BTD: variants seen among roughly 807,000 people sequenced by gnomAD.
BTD encodes biotinidase.
A neutral mutation model predicts 17.7 loss-of-function variants in BTD; 13 were observed. The observed-to-expected ratio is 0.74, with a 90% CI of 0.48 to 1.17. BTD has a LOEUF of 1.17. BTD is among the 50% of genes most tolerant of loss of function. The probability of loss-of-function intolerance (pLI) is 0.00; values close to 1 mark genes in which losing one functional copy is unlikely to be tolerated. For missense variants in BTD, 674 were observed against 650.4 expected (o/e 1.04, Z -0.39); for synonymous variants, 240 against 245.2 (o/e 0.98, Z 0.20).
intron 1 of BTD, among the ~76,000 whole-genome samples, chr3:15,620,935 CA>C (rs2064935948): frequency 6.6e-6 from 1 of 152,238 alleles, no homozygotes; most frequent in African/African-American, 2.4e-5. Flanking sequence ...CCTGGAATGT[CA>C]ATGGCATAAC....
downstream of BTD, chr3:15,713,743 A>G (rs917334006): frequency 8.1e-6 from 5 of 613,796 alleles, no homozygotes; most frequent in Non-Finnish European, 1.4e-5. Flanking sequence ...ACAAACTAAT[A>G]GATACAGCAA....
chr3:15,708,184 T>C, intron 3 of BTD: 1 of 1,122,158 alleles, frequency 8.9e-7, no homozygotes, highest in Non-Finnish European at 1.3e-6. Context: ...AGACTTAGAC[T>C]ACCATATACT....
chr3:15,677,297 T>C (rs972761693), intron 3 of BTD, among the ~76,000 whole-genome samples: 2 of 152,162 alleles, frequency 1.3e-5, no homozygotes, highest in African/African-American at 4.8e-5. Flanking sequence ...CCAAAACTTA[T>C]TTGGCTTACT....
chr3:15,720,848 A>G (rs1359001411), intron 4 of BTD: 2 of 1,335,556 alleles, frequency 1.5e-6, no homozygotes, highest in African/African-American at 1.5e-5. Flanking sequence ...GCTCAATGGT[A>G]TTCACCATTG....
chr3:15,674,592 T>A (rs2066743268), intron 3 of BTD, among the ~76,000 whole-genome samples: 1 of 152,196 alleles, frequency 6.6e-6, no homozygotes, highest in East Asian at 1.9e-4. Context: ...GGGCTGGAGA[T>A]ATAAATCTGG....
At chr3:15,682,372 T>TGG (rs1036030149) in intron 3 of BTD, among the ~76,000 whole-genome samples, 16 of 152,112 alleles carry the variant, frequency 1.1e-4, no homozygotes, top group African/African-American at 3.4e-4. Context: ...AAGGGAACAG[T>TGG]GGGGCCCCTT....
intron 1 of BTD, among the ~76,000 whole-genome samples, chr3:15,619,588 G>T (rs1229776543): frequency 6.6e-6 from 1 of 152,180 alleles, no homozygotes; most frequent in Non-Finnish European, 1.5e-5. Context: ...AAAAGTCATT[G>T]TGGTTTTTGC....
chr3:15,657,780 T>C (rs1422460457), downstream of BTD, among the ~76,000 whole-genome samples: 1 of 151,534 alleles, frequency 6.6e-6, no homozygotes, highest in African/African-American at 2.4e-5. Context: ...TCAGTTTCTC[T>C]AGGCATGAAT....
exon 4 of BTD, chr3:15,711,097 G>A: frequency 1.1e-6 from 1 of 907,446 alleles, no homozygotes. Flanking sequence ...AACAACTCCT[G>A]TTTTGTTTTC....
intron 1 of BTD, chr3:15,602,220 G>A: frequency 7.4e-7 from 1 of 1,355,506 alleles, no homozygotes; most frequent in Non-Finnish European, 9.5e-7. Flanking sequence ...CTCAGAGTCA[G>A]TAGATCCAGA....
At chr3:15,641,756 G>A in intron 2 of BTD, 152 bp from the exon 3 acceptor site, 1 of 682,588 alleles carries the variant, frequency 1.5e-6, no homozygotes. Flanking sequence ...TAAGATCTCT[G>A]AGGAGAGTAA....
rs151071780 is a variant in BTD, at chr3:15,635,641, C to G, written c.202C>G (p.Gln68Glu). 3,310 of 1,614,198 alleles carry G rather than the reference C, an allele frequency of 2.1e-3. 10 individuals carry two copies. Among genetic ancestry groups the G allele is most frequent in the Non-Finnish European group, 2.2e-3 (2,542 of 1,180,038 alleles). ...CCAAGAGGCCTTGGAGCTCATGAAC[C>G]AGAACCTTGACATCTATGAACAGCA... is the stretch of plus-strand genomic sequence containing the variant. ...SRQEALELMN[Q>E]NLDIYEQQVM... The change falls in exon 2 of 4, where the codon CAG (glutamine) becomes GAG (glutamate). Residue 68 changes from glutamine to glutamate, a missense_variant. Gln to Glu is a conservative substitution (Grantham distance 29). Coordinates refer to ENST00000643237, the MANE Select transcript of BTD (RefSeq NM_001370658.1). The surrounding 1 kb of genome is among the most constrained non-coding windows in gnomAD (Gnocchi z 4.1).
At position 15,650,711 on chromosome 3, in the gene BTD, C is replaced by A. The variant is rs956801109; in HGVS notation, c.*5223C>A. On this transcript the variant is annotated 3_prime_UTR_variant, in exon 4 of 4. Coordinates refer to ENST00000643237, the MANE Select transcript of BTD (RefSeq NM_001370658.1). Reference sequence around the variant, plus strand: ...AATTAAAGTCTCAGAGATGAACAACCTGGGCTCTTGCTTAGGGCACGTGCC... The same window carrying A: ...AATTAAAGTCTCAGAGATGAACAACATGGGCTCTTGCTTAGGGCACGTGCC... 6.6e-6 allele frequency among the ~76,000 whole-genome samples: 1 copy of A among 152,220 alleles called. No homozygotes were observed. The highest frequency in any genetic ancestry group is 2.4e-5 in the African/African-American group (1 of 41,460).
chr3:15,644,990 C>T lies in BTD; in HGVS notation c.1074C>T (p.Val358=). 1 of 1,614,180 alleles carries T rather than the reference C, an allele frequency of 6.2e-7. No homozygotes were observed. Among genetic ancestry groups the T allele is most frequent in the South Asian group, 1.1e-5 (1 of 91,076 alleles). ...ACTGTGAGAAGGATGCTCAGGAAGT[C>T]CACTGTGATGAGGCCACCAAGTGGA... The part of the protein sequence containing the change: ...DPYCEKDAQE[V]HCDEATKWNV... The change falls in exon 4 of 4, where the codon GTC becomes GTT. Residue 358 remains valine (V), a synonymous_variant. Coordinates refer to ENST00000643237, the MANE Select transcript of BTD (RefSeq NM_001370658.1).
Position 15,645,052 on chromosome 3 carries a change from T to C in BTD, c.1136T>C (p.Met379Thr). ...CCTCCCACATTTCACTCTGAGATGA[T>C]GTATGACAATTTCACCCTGGTCCCT... ...NAPPTFHSEM[M>T]YDNFTLVPVW... The change falls in exon 4 of 4, where the codon ATG (methionine) becomes ACG (threonine). Residue 379 changes from methionine to threonine, a missense_variant. Coordinates refer to ENST00000643237, the MANE Select transcript of BTD (RefSeq NM_001370658.1). The C allele has an allele frequency of 6.2e-7, 1 of 1,614,204 alleles. No individual in the cohort carries two copies. Among genetic ancestry groups the C allele is most frequent in the Non-Finnish European group, 8.5e-7 (1 of 1,180,032 alleles).
At position 15,691,037 on chromosome 3, in the gene BTD, A is replaced by T. The variant is rs74874389; in HGVS notation, c.400-19023A>T. Among the ~76,000 whole-genome samples, 604 of 152,324 alleles carry T rather than the reference A, an allele frequency of 4.0e-3. 4 individuals carry two copies. Among genetic ancestry groups the T allele is most frequent in the East Asian group, 0.017 (90 of 5,184 alleles). On this transcript the variant is annotated intron_variant, in intron 3 of 3. Coordinates refer to the BTD transcript ENST00000672141. ...TAATTCTTTTAGCAAAGAAATGCAT[A>T]ACCGAGCCCTGCTTGAATATCACCA...
chr3:15,666,131 TG>T (rs2065984537), intron 3 of BTD, among the ~76,000 whole-genome samples: 1 of 152,252 alleles, frequency 6.6e-6, no homozygotes, highest in Non-Finnish European at 1.5e-5. Flanking sequence ...GCACAGTTCC[TG>T]GCACATAGCA....
chr3:15,610,808 A>C (rs1480364077), intron 1 of BTD, among the ~76,000 whole-genome samples: 2 of 152,208 alleles, frequency 1.3e-5, no homozygotes, highest in Non-Finnish European at 2.9e-5. Flanking sequence ...TTTAAAAGAT[A>C]GGGTATTTTT....
chr3:15,677,142 ATAT>A, intron 3 of BTD: 1 of 1,082,824 alleles, frequency 9.2e-7, no homozygotes, highest in South Asian at 1.3e-5. Flanking sequence ...CCTAGTCCAT[ATAT>A]TATGTACAAC....
Sources: allele counts gnomAD v4.1 joint callset (sites outside exome capture counted in the v4.1 genomes callset), GRCh38; gene constraint gnomAD v4.1.1; non-coding constraint Gnocchi (gnomAD v3.1); transcripts MANE v1.5; gene names NCBI Gene and HGNC (gene_info 2026-07-23, HGNC 2026-07-21).